Variants in AUTS2 observed in about 807,000 individuals in gnomAD.
AUTS2 encodes activator of transcription and developmental regulator AUTS2, also known as autism susceptibility gene 2 protein.
A neutral mutation model predicts 112.4 loss-of-function variants in AUTS2; 17 were observed. The ratio of observed to expected loss-of-function variants is 0.15; its 90% CI spans 0.10 to 0.23. The LOEUF is 0.23. AUTS2 is among the 10% of genes least tolerant of loss of function. The pLI is 1.00. For missense variants in AUTS2, 1,510 were observed against 1,701.6 expected, an observed-to-expected ratio of 0.89 and a Z score of 1.98; for synonymous variants, 751 against 702.7, an observed-to-expected ratio of 1.07 and a Z score of -1.09.
intron 4 of AUTS2, among the ~76,000 whole-genome samples, chr7:70,216,794 C>G (rs1811188412): frequency 6.6e-6 from 1 of 152,202 alleles, no homozygotes; most frequent in Non-Finnish European, 1.5e-5. Flanking sequence ...CTGTCATGAT[C>G]TTACTTTCCC....
intron 13 of AUTS2, 195 bp from the exon 14 acceptor site, chr7:70,776,907 GA>G: frequency 1.6e-6 from 1 of 625,606 alleles, no homozygotes; most frequent in Non-Finnish European, 2.8e-6. Context: ...CGTGGGGAGA[GA>G]GGGGGAGCTG....
At chr7:70,648,681 A>G (rs994233168) in intron 5 of AUTS2, among the ~76,000 whole-genome samples, 7 of 152,028 alleles carry the variant, frequency 4.6e-5, no homozygotes, top group African/African-American at 7.3e-5. Context: ...TCCCCCTTTC[A>G]AGCAATTCTC....
At chr7:70,218,733 T>C (rs1372935906) in intron 4 of AUTS2, among the ~76,000 whole-genome samples, 1 of 152,230 alleles carries the variant, frequency 6.6e-6, no homozygotes, top group African/African-American at 2.4e-5. Flanking sequence ...ACCTACTTTC[T>C]TCATTCTTGG....
chr7:70,057,545 A>T (rs913191269), intron 2 of AUTS2, among the ~76,000 whole-genome samples: 1 of 152,336 alleles, frequency 6.6e-6, no homozygotes, highest in East Asian at 1.9e-4. Flanking sequence ...TATCTTCATT[A>T]TCTGATTTAA....
intron 5 of AUTS2, among the ~76,000 whole-genome samples, chr7:70,562,727 A>G (rs1801543213): frequency 6.6e-6 from 1 of 152,228 alleles, no homozygotes; most frequent in African/African-American, 2.4e-5. Flanking sequence ...TGAACAAATG[A>G]ATGAATAAAC....
chr7:70,472,464 G>T (rs1797428272), intron 5 of AUTS2, among the ~76,000 whole-genome samples: 1 of 151,324 alleles, frequency 6.6e-6, no homozygotes, highest in Non-Finnish European at 1.5e-5. Flanking sequence ...CTACCCAGTT[G>T]CTGGGTAAAG....
intron 2 of AUTS2, among the ~76,000 whole-genome samples, chr7:70,019,089 G>T (rs1452161290): frequency 2.0e-5 from 3 of 152,200 alleles, no homozygotes; most frequent in Non-Finnish European, 4.4e-5. Context: ...CCACAAAAAA[G>T]AATGAGGTCA....
rs1042099207 is a variant in AUTS2, at chr7:70,678,114, T to A, written c.691-20455T>A. Among the ~76,000 whole-genome samples, 493 of 152,110 alleles carry A rather than the reference T, an allele frequency of 3.2e-3. 2 individuals are homozygous for A. Among genetic ancestry groups the A allele is most frequent in the African/African-American group, 0.011 (472 of 41,506 alleles). ...ATTAATAAATAATAATAATAATAAT[T>A]TTAGTAGGTTCTACCTTCCCCACGT... On this transcript the variant is annotated intron_variant, in intron 5 of 18. Transcript: ENST00000342771.
At chr7:70,186,814 C>T (rs1291093238) in intron 4 of AUTS2, among the ~76,000 whole-genome samples, 3 of 152,234 alleles carry the variant, frequency 2.0e-5, no homozygotes, top group African/African-American at 7.2e-5. Flanking sequence ...GGTGATCCAC[C>T]TGCCTCAGCC....
chr7:70,064,390 C>A (rs1461936015), intron 2 of AUTS2, among the ~76,000 whole-genome samples: 1 of 152,184 alleles, frequency 6.6e-6, no homozygotes, highest in Non-Finnish European at 1.5e-5. Flanking sequence ...GAAATAGCAC[C>A]TTTAACTGGG....
intron 5 of AUTS2, among the ~76,000 whole-genome samples, chr7:70,637,364 A>G (rs1350092759): frequency 6.6e-6 from 1 of 152,214 alleles, no homozygotes; most frequent in Non-Finnish European, 1.5e-5. Context: ...CGTTGCGTAT[A>G]TACCACCACC....
intron 5 of AUTS2, among the ~76,000 whole-genome samples, chr7:70,691,512 C>T (rs1433338484): frequency 6.6e-6 from 1 of 152,078 alleles, no homozygotes; most frequent in African/African-American, 2.4e-5. Context: ...AGTCTTCTTT[C>T]TTCCTTCTTC....
intron 2 of AUTS2, among the ~76,000 whole-genome samples, chr7:69,986,014 C>T (rs1402906606): frequency 1.3e-5 from 2 of 152,154 alleles, no homozygotes; most frequent in Admixed American, 6.5e-5. Context: ...CCTCCCGCCT[C>T]GACCTCTCAA....
chr7:69,915,207 A>C (rs1399265104), intron 2 of AUTS2, among the ~76,000 whole-genome samples: 1 of 152,206 alleles, frequency 6.6e-6, no homozygotes, highest in Non-Finnish European at 1.5e-5. Flanking sequence ...ATACATATTA[A>C]AGTTCTTTAA....
intron 4 of AUTS2, among the ~76,000 whole-genome samples, chr7:70,410,181 G>A (rs1585113055): frequency 6.6e-6 from 1 of 152,166 alleles, no homozygotes; most frequent in Non-Finnish European, 1.5e-5. Context: ...GAGAGCAACA[G>A]TGTAGTGGTT....
intron 5 of AUTS2, among the ~76,000 whole-genome samples, chr7:70,610,679 G>A (rs906415280): frequency 1.1e-4 from 16 of 151,970 alleles, no homozygotes; most frequent in South Asian, 4.2e-4. Context: ...GATAGTGGCC[G>A]TCCTAACAAG....
chr7:69,986,452 C>T (rs1798518247), intron 2 of AUTS2, among the ~76,000 whole-genome samples: 1 of 152,200 alleles, frequency 6.6e-6, no homozygotes, highest in Admixed American at 6.5e-5. Flanking sequence ...AAATTCACAT[C>T]CAGGCTCACT....
intron 6 of AUTS2, among the ~76,000 whole-genome samples, chr7:70,761,141 T>C (rs1301730990): frequency 6.6e-6 from 1 of 152,170 alleles, no homozygotes; most frequent in Non-Finnish European, 1.5e-5. Context: ...TATACAACAG[T>C]ACGTAAACAG....
At chr7:70,678,610 C>T (rs1399460926) in intron 5 of AUTS2, among the ~76,000 whole-genome samples, 2 of 152,210 alleles carry the variant, frequency 1.3e-5, no homozygotes, top group African/African-American at 4.8e-5. Context: ...GATAAAGAAA[C>T]TGACAGAAAA....
Sources: allele counts gnomAD v4.1 joint callset (sites outside exome capture counted in the v4.1 genomes callset), GRCh38; gene constraint gnomAD v4.1.1; transcripts MANE v1.5; gene names NCBI Gene and HGNC (gene_info 2026-07-23, HGNC 2026-07-21).